SLC43A3: variants seen among roughly 807,000 people sequenced by gnomAD.
SLC43A3 encodes equilibrative nucleobase transporter 1.
Under a neutral mutation model 53.3 loss-of-function variants are expected in SLC43A3, and 33 were observed. The observed-to-expected ratio is 0.62, with a 90% CI of 0.47 to 0.83. The LOEUF is 0.83. Ranked by LOEUF, SLC43A3 falls within the 40% of genes least tolerant of loss-of-function variation. The pLI, the probability that SLC43A3 is intolerant of heterozygous loss-of-function variation, is 0.00. For missense variants in SLC43A3, 530 were observed against 610.0 expected (o/e 0.87, Z 1.38); for synonymous variants, 236 against 246.2 (o/e 0.96, Z 0.39).
At position 57,409,924 on chromosome 11, in the gene SLC43A3, A is replaced by G; in HGVS notation, c.1247+11T>C. ...GTCCGTCTCCACAGAGCCCGCCCCA[A>G]GGCCACTTACGCAAGGGTGAGGAAG... On this transcript the variant is annotated intron_variant, in intron 12 of 13. Transcript: ENST00000395124. 2 of 1,602,250 alleles carry G rather than the reference A, an allele frequency of 1.2e-6. No individual in the cohort carries two copies. Among genetic ancestry groups the G allele is most frequent in the South Asian group, 1.1e-5 (1 of 89,126 alleles).
Position 57,426,600 on chromosome 11 carries a change from C to G in SLC43A3, c.-193G>C, listed in dbSNP as rs893656706. On this transcript the variant is annotated 5_prime_UTR_variant, in exon 2 of 14. Coordinates refer to ENST00000395124, the MANE Select transcript of SLC43A3 (RefSeq NM_199329.3). Reference sequence around the variant, plus strand: ...ATAAACGACTTACCCAATAGCTCCCCGGGAGCAGGTGGAGAAGCGGAGCTC... The same window carrying G: ...ATAAACGACTTACCCAATAGCTCCCGGGGAGCAGGTGGAGAAGCGGAGCTC... The G allele has an allele frequency of 5.0e-5, 8 of 158,906 alleles. 1 individual carries two copies. The South Asian group carries it at 7.4e-4, about 15-fold the overall frequency. The allele number at this position is 158,906 out of a possible 1,614,324, so 9.8% of individuals were successfully genotyped here.
intron 11 of SLC43A3, among the ~76,000 whole-genome samples, chr11:57,413,170 C>T (rs531653959): frequency 7.2e-5 from 11 of 151,830 alleles, no homozygotes; most frequent in Middle Eastern, 3.4e-3. Context: ...ATTAAAACAA[C>T]GCCAAATCCA....
chr11:57,423,757 T>G, intron 5 of SLC43A3: 1 of 506,524 alleles, frequency 2.0e-6, no homozygotes. Flanking sequence ...TAAATTCTAC[T>G]CTCTGAAGTA....
chr11:57,423,397 G>A (rs1382775247), intron 5 of SLC43A3, among the ~76,000 whole-genome samples: 2 of 152,142 alleles, frequency 1.3e-5, no homozygotes, highest in Admixed American at 1.3e-4. Flanking sequence ...GGAGAAGGAT[G>A]TAAAGGTTTT....
chr11:57,421,453 C>G (rs1318588881), intron 5 of SLC43A3, 80 bp from the exon 6 acceptor site: 9 of 1,012,978 alleles, frequency 8.9e-6, no homozygotes, highest in Non-Finnish European at 1.2e-5. Context: ...CCCACCTGCT[C>G]CAAATTCCCA....
At chr11:57,418,338 TAA>T (rs150075341) in intron 7 of SLC43A3, among the ~76,000 whole-genome samples, 39 of 122,644 alleles carry the variant, frequency 3.2e-4, no homozygotes, top group African/African-American at 9.9e-4. Flanking sequence ...TGCCTCCAAA[TAA>T]AAAAAAAAAA....
intron 6 of SLC43A3, 90 bp downstream of exon 6, chr11:57,421,207 T>C: frequency 7.6e-7 from 1 of 1,321,590 alleles, no homozygotes; most frequent in Non-Finnish European, 1.1e-6. Flanking sequence ...GCCAACCCCA[T>C]CTGAGGCAGC....
chr11:57,416,551 T>C (rs1342153173), intron 9 of SLC43A3, 22 bp downstream of exon 9: 3 of 1,594,576 alleles, frequency 1.9e-6, no homozygotes, highest in East Asian at 2.2e-5. Context: ...GGAGGAGAGA[T>C]GGGTTAGCCA....
chr11:57,411,212 C>A (rs772838027), intron 11 of SLC43A3, among the ~76,000 whole-genome samples: 1 of 151,954 alleles, frequency 6.6e-6, no homozygotes, highest in Non-Finnish European at 1.5e-5. Flanking sequence ...ATGTAAATGT[C>A]TGATATGTAA....
chr11:57,426,425 T>A, intron 2 of SLC43A3, 73 bp from the exon 3 acceptor site: 1 of 523,786 alleles, frequency 1.9e-6, no homozygotes, highest in Non-Finnish European at 3.4e-6. Context: ...GAGTTATTTG[T>A]GAGGTGCATT....
chr11:57,416,509 G>T, intron 9 of SLC43A3, 64 bp downstream of exon 9: 2 of 1,318,810 alleles, frequency 1.5e-6, no homozygotes, highest in Non-Finnish European at 2.2e-6. Flanking sequence ...GAGGTGAGGG[G>T]CCAGGAAAGG....
At chr11:57,415,819 C>CA (rs1338885796) in intron 9 of SLC43A3, among the ~76,000 whole-genome samples, 1 of 151,908 alleles carries the variant, frequency 6.6e-6, no homozygotes, top group Non-Finnish European at 1.5e-5. Flanking sequence ...AAAATAAAAA[C>CA]AAAAAAATCA....
chr11:57,421,085 C>T (rs758707058), intron 6 of SLC43A3, 21 bp from the exon 7 acceptor site: 2 of 1,546,490 alleles, frequency 1.3e-6, no homozygotes, highest in Non-Finnish European at 1.8e-6. Flanking sequence ...TAGGACTAGC[C>T]TGGATCACTT....
At chr11:57,411,865 A>C (rs1942491176) in intron 11 of SLC43A3, among the ~76,000 whole-genome samples, 1 of 152,196 alleles carries the variant, frequency 6.6e-6, no homozygotes, top group South Asian at 2.1e-4. Context: ...GTGTATGTAC[A>C]TTTACATATG....
chr11:57,419,019 T>C (rs7131599), intron 7 of SLC43A3, among the ~76,000 whole-genome samples: 147,860 of 152,238 alleles, frequency 0.97, 71,951 homozygotes, highest in East Asian at 1. Context: ...CATCACCTAC[T>C]ATCCTGTAAG....
chr11:57,421,429 C>A, intron 5 of SLC43A3, 56 bp from the exon 6 acceptor site: 1 of 1,324,538 alleles, frequency 7.5e-7, no homozygotes, highest in Non-Finnish European at 1.1e-6. Context: ...AAACATGGAG[C>A]CCCAAACTCT....
At chr11:57,414,019 G>A (rs1309796045) in intron 11 of SLC43A3, among the ~76,000 whole-genome samples, 2 of 152,142 alleles carry the variant, frequency 1.3e-5, no homozygotes, top group Non-Finnish European at 2.9e-5. Flanking sequence ...ATGGCCCCCT[G>A]TGGGTTTGCT....
At chr11:57,425,756 T>C (rs980677303) in intron 3 of SLC43A3, 86 bp from the exon 4 acceptor site, 3 of 1,575,228 alleles carry the variant, frequency 1.9e-6, no homozygotes, top group Non-Finnish European at 2.6e-6. Flanking sequence ...CTCAGACAGC[T>C]TGTCGGTCGC....
At position 57,426,253 on chromosome 11, in the gene SLC43A3, A is replaced by G. The variant is rs906440795; in HGVS notation, c.-81T>C. On this transcript the variant is annotated 5_prime_UTR_variant, in exon 3 of 14. Coordinates refer to ENST00000395124, the MANE Select transcript of SLC43A3 (RefSeq NM_199329.3). ...GGCGCCGTAAGCCTGGCGTTTGAGC[A>G]CTTGGAAAATTCCTCTGGCAAGCCA... 1.9e-5 allele frequency: 27 copies of G among 1,414,828 alleles called. No individual in the cohort carries two copies. In the South Asian group the frequency reaches 2.5e-4, roughly 13 times the overall value. 87.6% of individuals were successfully genotyped at this position (1,414,828 alleles called of 1,614,324 possible). A position where few individuals can be genotyped will look rare whatever the true frequency, so the allele number is the denominator to read the frequency against.
Sources: allele counts gnomAD v4.1 joint callset (sites outside exome capture counted in the v4.1 genomes callset), GRCh38; gene constraint gnomAD v4.1.1; transcripts MANE v1.5; gene names NCBI Gene and HGNC (gene_info 2026-07-23, HGNC 2026-07-21).